Variants in KLHL25 observed in about 807,000 individuals in gnomAD.
KLHL25 encodes kelch like family member 25.
Under a neutral mutation model 30.0 loss-of-function variants are expected in KLHL25, and 41 were observed. That is an observed-to-expected ratio of 1.37 (90% confidence interval 1.07 to 1.78). The LOEUF is 1.78. Ranked by LOEUF, KLHL25 falls within the 40% of genes most tolerant of loss-of-function variation. KLHL25 has a pLI of 0.00. For missense variants in KLHL25, 971 were observed against 824.5 expected (o/e 1.18, Z -2.18); for synonymous variants, 399 against 355.3 (o/e 1.12, Z -1.38).
chr15:85,764,589 G>A (rs752697888), intron 2 of KLHL25: 2 of 152,292 alleles, frequency 1.3e-5, no homozygotes, highest in Non-Finnish European at 2.9e-5. Flanking sequence ...AAATGGAGCT[G>A]ATGACAGCAA....
intron 1 of KLHL25, among the ~76,000 whole-genome samples, chr15:85,774,847 C>T (rs552273310): frequency 6.6e-6 from 1 of 151,976 alleles, no homozygotes; most frequent in African/African-American, 2.4e-5. Flanking sequence ...AAAACCCCTC[C>T]CCACTCCCGC....
chr15:85,781,743 C>T (rs192505124), intron 1 of KLHL25, among the ~76,000 whole-genome samples: 1 of 152,264 alleles, frequency 6.6e-6, no homozygotes, highest in African/African-American at 2.4e-5. Context: ...CTCGGCCTCC[C>T]AAAGTGTTGG....
chr15:85,772,636 C>T (rs1490860910), intron 1 of KLHL25, among the ~76,000 whole-genome samples: 3 of 152,210 alleles, frequency 2.0e-5, no homozygotes, highest in Non-Finnish European at 4.4e-5. Context: ...GCAGAGACTC[C>T]CTTTGGAGGG....
In KLHL25 at chr15:85,769,367, G is replaced by A. The variant is rs2089652227; in HGVS notation, c.444C>T (p.Asn148=). ...CCGAGAGCAGCATCATGCCCAGGCA[G>A]TTGGAGGGGAAAAGGTTCTTCTCCA... The part of the protein sequence containing the change: ...EFLEKNLFPS[N]CLGMMLLSDA... The change falls in exon 2 of 3, where the codon AAC becomes AAT. Residue 148 remains asparagine (N), a synonymous_variant. Transcript: ENST00000337975. 1.2e-6 allele frequency: 2 copies of A among 1,614,064 alleles called. No homozygotes were observed. The highest frequency in any genetic ancestry group is 1.1e-5 in the South Asian group (1 of 91,096).
chr15:85,781,042 A>T (rs2089739571), intron 1 of KLHL25, among the ~76,000 whole-genome samples: 1 of 152,174 alleles, frequency 6.6e-6, no homozygotes, highest in Non-Finnish European at 1.5e-5. Context: ...TCTAAAAAAA[A>T]CCAAAGGGGC....
intron 2 of KLHL25, chr15:85,763,728 G>C (rs527485289): frequency 6.6e-6 from 1 of 152,462 alleles, no homozygotes; most frequent in South Asian, 2.1e-4. Context: ...CTGGAGGCAG[G>C]AGACTCAGCC....
At chr15:85,761,931 A>G (rs1286524152) in intron 2 of KLHL25, 1 of 152,384 alleles carries the variant, frequency 6.6e-6, no homozygotes, top group African/African-American at 2.4e-5. Context: ...GTGTGTATTA[A>G]GTAACCTTAG....
Position 85,769,040 on chromosome 15 carries a change from C to A in KLHL25, c.771G>T (p.Met257Ile). The change falls in exon 2 of 3, where the codon ATG becomes ATT. Residue 257 changes from methionine (M) to isoleucine (I), a missense_variant. Transcript: ENST00000337975. ...QEAVSSEALLMADERTKLIMD... is the reference protein window; with the variant it reads ...QEAVSSEALLIADERTKLIMD... ...TGATAAGCTTGGTGCGCTCGTCTGC[C>A]ATGAGGAGGGCCTCGCTGGAGACGG... 6.2e-7 allele frequency: 1 copy of A among 1,608,232 alleles called. No individual in the cohort carries two copies. Among genetic ancestry groups the A allele is most frequent in the Non-Finnish European group, 8.5e-7 (1 of 1,177,186 alleles).
chr15:85,783,864 G>T (rs1249794740), intron 1 of KLHL25, among the ~76,000 whole-genome samples: 1 of 152,180 alleles, frequency 6.6e-6, no homozygotes, highest in East Asian at 1.9e-4. Flanking sequence ...TCCCAGCACT[G>T]CCATTGCTAC....
chr15:85,762,451 GTCCCTT>G (rs2089589459), intron 2 of KLHL25: 1 of 7,406 alleles, frequency 1.4e-4, no homozygotes, highest in African/African-American at 2.1e-4. Flanking sequence ...CTCAGGCTGG[GTCCCTT>G]TGTTCCCTCT....
Position 85,769,133 on chromosome 15 carries a change from C to T in KLHL25, c.678G>A (p.Lys226=). The change falls in exon 2 of 3, where the codon AAG becomes AAA. Residue 226 remains lysine, a synonymous_variant. Transcript: ENST00000337975. The part of the protein sequence containing the change: ...QWVKHDLEPR[K]VHLPELLRSV... ...TGCGGAGGAGCTCGGGCAAGTGGAC[C>T]TTCCGTGGCTCCAGGTCGTGCTTCA... 1.2e-6 allele frequency: 2 copies of T among 1,608,268 alleles called. No individual in the cohort carries two copies. The highest frequency in any genetic ancestry group is 1.7e-4 in the Middle Eastern group (1 of 6,044).
At chr15:85,779,600 AAAAC>A (rs1185029036) in intron 1 of KLHL25, among the ~76,000 whole-genome samples, 23 of 152,236 alleles carry the variant, frequency 1.5e-4, no homozygotes, top group African/African-American at 5.5e-4. Flanking sequence ...CTTTTATCCC[AAAAC>A]AAACACTTTT....
intron 1 of KLHL25, among the ~76,000 whole-genome samples, chr15:85,777,300 C>A (rs2089716095): frequency 6.6e-6 from 1 of 152,232 alleles, no homozygotes; most frequent in African/African-American, 2.4e-5. Context: ...CAGCCTCTGA[C>A]AGTGCATACA....
In KLHL25 at chr15:85,759,694, A is replaced by T. The variant is rs1039246057; in HGVS notation, c.*1342T>A. ...CAGGACCCGCACCAAGGCATGGGGGACACTCGTGGCTGCTTAAGTAACTGG... is the reference window on the plus strand; with the variant it reads ...CAGGACCCGCACCAAGGCATGGGGGTCACTCGTGGCTGCTTAAGTAACTGG... On this transcript the variant is annotated 3_prime_UTR_variant, in exon 3 of 3. Transcript: ENST00000337975. 3 of 152,200 alleles carry T rather than the reference A, an allele frequency of 2.0e-5. No homozygotes were observed. Among genetic ancestry groups the T allele is most frequent in the African/African-American group, 7.2e-5 (3 of 41,426 alleles). 9.4% of individuals were successfully genotyped at this position (152,200 alleles called of 1,614,324 possible). A position where few individuals can be genotyped will look rare whatever the true frequency, so the allele number is the denominator to read the frequency against.
chr15:85,768,135 T>C lies in KLHL25; in HGVS notation c.1676A>G (p.Asp559Gly), dbSNP rs745573680. The change falls in exon 2 of 3, where the codon GAC (aspartate) becomes GGC (glycine). Residue 559 changes from aspartate to glycine, a missense_variant. Transcript: ENST00000337975. ...GCAGTTCCATGTATCTGAAGTGGGG[T>C]CATAGCAGTCCAGAGTCTTACACCT... ...TQRCKTLDCY[D>G]PTSDTWNCIT... 1 of 1,614,066 alleles carries C rather than the reference T, an allele frequency of 6.2e-7. No individual in the cohort carries two copies. Among genetic ancestry groups the C allele is most frequent in the South Asian group, 1.1e-5 (1 of 91,072 alleles).
chr15:85,782,794 T>G (rs1038395492), intron 1 of KLHL25, among the ~76,000 whole-genome samples: 2 of 152,232 alleles, frequency 1.3e-5, no homozygotes, highest in Admixed American at 1.3e-4. Context: ...TCTGTGCCTT[T>G]GCTGCAGCAC....
intron 1 of KLHL25, among the ~76,000 whole-genome samples, chr15:85,792,675 C>G (rs1179363731): frequency 6.6e-6 from 1 of 152,208 alleles, no homozygotes; most frequent in Non-Finnish European, 1.5e-5. Flanking sequence ...ATGGCCTCAA[C>G]CTGTGCCTAT....
chr15:85,790,836 T>G (rs1039281289), intron 1 of KLHL25, among the ~76,000 whole-genome samples: 3 of 151,808 alleles, frequency 2.0e-5, no homozygotes, highest in African/African-American at 7.3e-5. Flanking sequence ...AAGATTTTTA[T>G]GTATTTGCAG....
intron 2 of KLHL25, 24 bp downstream of exon 2, chr15:85,767,993 G>C (rs373741157): frequency 6.7e-7 from 1 of 1,481,700 alleles, no homozygotes; most frequent in Non-Finnish European, 9.2e-7. Context: ...GACCCAGAGT[G>C]GCCGTGGGCT....
Sources: gnomAD v4.1 joint callset for allele counts (sites outside exome capture counted in the v4.1 genomes callset) on GRCh38, gnomAD v4.1.1 for gene constraint, MANE v1.5 for transcripts, NCBI Gene and HGNC (gene_info 2026-07-23, HGNC 2026-07-21) for gene names.